SDK1: variants seen among roughly 807,000 people sequenced by gnomAD.
The protein encoded by SDK1 is protein sidekick-1.
A neutral mutation model predicts 245.5 loss-of-function variants in SDK1; 157 were observed. That is an observed-to-expected ratio of 0.64 (90% CI 0.56 to 0.73). The LOEUF (loss-of-function observed/expected upper bound fraction) is 0.73, where lower values mean the gene tolerates loss of function less well. Among genes scored for constraint, SDK1 ranks in the 30% least tolerant of loss-of-function variants. The pLI is 0.00. For synonymous variants in SDK1, 1,647 were observed against 1,278.5 expected (o/e 1.29, Z -6.15); for missense variants, 3,583 against 3,002.3 (o/e 1.19, Z -4.52).
chr7:3,746,905 A>G (rs956980248), intron 4 of SDK1, among the ~76,000 whole-genome samples: 2 of 152,238 alleles, frequency 1.3e-5, no homozygotes, highest in African/African-American at 4.8e-5. Context: ...GGCATCTAGA[A>G]TGATGAATGC....
chr7:3,632,446 T>C (rs922292482), intron 2 of SDK1, among the ~76,000 whole-genome samples: 3 of 152,190 alleles, frequency 2.0e-5, no homozygotes, highest in Non-Finnish European at 4.4e-5. Context: ...TCATTCATGG[T>C]ATGGCATCAA....
At chr7:3,802,805 G>C (rs1425911794) in intron 4 of SDK1, among the ~76,000 whole-genome samples, 5 of 152,126 alleles carry the variant, frequency 3.3e-5, no homozygotes, top group Non-Finnish European at 7.3e-5. Context: ...TCTTTTTATT[G>C]TGATGCCGGA....
chr7:3,586,284 G>A (rs940968882), intron 1 of SDK1, among the ~76,000 whole-genome samples: 3 of 152,048 alleles, frequency 2.0e-5, no homozygotes, highest in Non-Finnish European at 2.9e-5. Flanking sequence ...GAAAGAGCCC[G>A]CCCTAGGCCA....
chr7:4,196,465 C>T (rs1045962260), intron 35 of SDK1, among the ~76,000 whole-genome samples: 4 of 152,224 alleles, frequency 2.6e-5, no homozygotes, highest in African/African-American at 9.6e-5. Context: ...CCTGGACGTG[C>T]GGTGCCGTCT....
At chr7:4,074,295 T>A (rs1227649976) in intron 20 of SDK1, among the ~76,000 whole-genome samples, 1 of 152,198 alleles carries the variant, frequency 6.6e-6, no homozygotes, top group African/African-American at 2.4e-5. Flanking sequence ...TGTATCCTGT[T>A]TCTTCTGTAG....
At chr7:3,378,474 C>T (rs1465413991) in intron 1 of SDK1, among the ~76,000 whole-genome samples, 4 of 152,132 alleles carry the variant, frequency 2.6e-5, no homozygotes, top group Admixed American at 2.6e-4. Flanking sequence ...CTTCTGCTTA[C>T]TGTATCAGCC....
At chr7:4,218,574 A>C (rs1784966945) in intron 38 of SDK1, among the ~76,000 whole-genome samples, 1 of 152,192 alleles carries the variant, frequency 6.6e-6, no homozygotes, top group Non-Finnish European at 1.5e-5. Flanking sequence ...TTGTAGTAGG[A>C]AGGCGCTTTG....
At chr7:4,132,449 T>G in intron 28 of SDK1, 26 bp downstream of exon 28, 1 of 1,542,002 alleles carries the variant, frequency 6.5e-7, no homozygotes, top group East Asian at 2.3e-5. Flanking sequence ...TGGCCGGGCG[T>G]GGTGGCTCAG....
In SDK1 at chr7:3,762,354, C is replaced by G. The variant is rs78550943; in HGVS notation, c.714-59096C>G. ...CTGCTGCAGCGCTTGGATAGTCCTG[C>G]AGGATGAAGGGCGGCTCTGCGCCCT... On this transcript the variant is annotated intron_variant, in intron 4 of 44. Coordinates refer to ENST00000404826, the MANE Select transcript of SDK1 (RefSeq NM_152744.4). 2.1e-3 allele frequency among the ~76,000 whole-genome samples: 314 copies of G among 152,296 alleles called. 1 individual carries two copies. The highest frequency in any genetic ancestry group is 7.2e-3 in the African/African-American group (301 of 41,564).
Position 3,838,652 on chromosome 7 carries a change from A to G in SDK1, c.847+17069A>G, listed in dbSNP as rs536132328. On this transcript the variant is annotated intron_variant, in intron 5 of 44. Coordinates refer to ENST00000404826, the MANE Select transcript of SDK1 (RefSeq NM_152744.4). ...TAAACACTGATGGTCCGGTGTTGCC[A>G]GCCCCCGTCCCTGAACACAGCGATC... is the stretch of plus-strand genomic sequence containing the variant. Among the ~76,000 whole-genome samples the G allele has an allele frequency of 1.5e-3, 231 of 152,306 alleles. 2 individuals are homozygous for G. The highest frequency in any genetic ancestry group is 3.4e-3 in the Middle Eastern group (1 of 294).
intron 1 of SDK1, among the ~76,000 whole-genome samples, chr7:3,501,874 T>C (rs1342386516): frequency 6.6e-6 from 1 of 152,204 alleles, no homozygotes; most frequent in Non-Finnish European, 1.5e-5. Flanking sequence ...TGAGCTCTTG[T>C]TGATTTACAG....
chr7:4,233,664 G>T (rs1269453182), intron 41 of SDK1, among the ~76,000 whole-genome samples: 1 of 152,148 alleles, frequency 6.6e-6, no homozygotes. Context: ...GGACGAAAGG[G>T]ACACACATCT....
chr7:3,564,449 A>G (rs1779844372), intron 1 of SDK1, among the ~76,000 whole-genome samples: 1 of 152,104 alleles, frequency 6.6e-6, no homozygotes, highest in Non-Finnish European at 1.5e-5. Context: ...AGATTGCGCA[A>G]CTACTTTCCA....
chr7:4,099,627 T>C (rs1782404801), intron 22 of SDK1, among the ~76,000 whole-genome samples: 1 of 134,364 alleles, frequency 7.4e-6, no homozygotes, highest in East Asian at 2.4e-4. Context: ...CTGCTTGCTG[T>C]CTCTGGGAAC....
chr7:3,970,765 C>T (rs1303763877), intron 11 of SDK1, among the ~76,000 whole-genome samples: 2 of 152,176 alleles, frequency 1.3e-5, no homozygotes, highest in African/African-American at 2.4e-5. Context: ...CCTGCCATAG[C>T]CAGGAAAACT....
chr7:3,556,273 G>A (rs750400203), intron 1 of SDK1, among the ~76,000 whole-genome samples: 4 of 152,040 alleles, frequency 2.6e-5, no homozygotes, highest in Non-Finnish European at 1.5e-5. Context: ...AACAACACTC[G>A]TTTTGTTAAG....
At chr7:3,797,456 TATAC>T (rs1358355200) in intron 4 of SDK1, among the ~76,000 whole-genome samples, 2 of 81,488 alleles carry the variant, frequency 2.5e-5, no homozygotes, top group African/African-American at 5.4e-5. Context: ...GAGGGGTGTG[TATAC>T]ACACACACAC....
intron 12 of SDK1, among the ~76,000 whole-genome samples, chr7:3,972,217 C>T (rs997809800): frequency 6.6e-6 from 1 of 151,730 alleles, no homozygotes; most frequent in Non-Finnish European, 1.5e-5. Flanking sequence ...GTAGCTGGGA[C>T]TACAAGTGCC....
At chr7:3,392,976 T>TTG (rs1781798419) in intron 1 of SDK1, among the ~76,000 whole-genome samples, 1 of 137,644 alleles carries the variant, frequency 7.3e-6, no homozygotes, top group Non-Finnish European at 1.5e-5. Flanking sequence ...TTTTTTTTTT[T>TTG]TTTTCTTTTT....
Sources: gnomAD v4.1 joint callset for allele counts (sites outside exome capture counted in the v4.1 genomes callset) on GRCh38, gnomAD v4.1.1 for gene constraint, MANE v1.5 for transcripts, NCBI Gene and HGNC (gene_info 2026-07-23, HGNC 2026-07-21) for gene names.